Variants in PKNOX1 observed in about 807,000 individuals in gnomAD.
The protein encoded by PKNOX1 is homeobox protein PKNOX1.
A neutral mutation model predicts 51.9 loss-of-function variants in PKNOX1; 15 were observed. That is an observed-to-expected ratio of 0.29 (90% CI 0.19 to 0.45). PKNOX1 has a LOEUF of 0.45. PKNOX1 is among the 20% of genes least tolerant of loss of function. PKNOX1 has a pLI of 1.00. For synonymous variants in PKNOX1, 219 were observed against 211.1 expected (o/e 1.04, Z -0.32); for missense variants, 462 against 547.5 (o/e 0.84, Z 1.56).
At chr21:43,004,539 A>G in intron 2 of PKNOX1, 107 bp downstream of exon 2, 2 of 789,204 alleles carry the variant, frequency 2.5e-6, no homozygotes, top group Admixed American at 1.8e-5. Context: ...TTGCATGCTC[A>G]GTGTTAGTGT....
rs751555597 is a variant in PKNOX1, at chr21:43,029,977, A to G, written c.1187A>G (p.Gln396Arg). 5.6e-6 allele frequency: 9 copies of G among 1,613,980 alleles called. No homozygotes were observed. The highest frequency in any genetic ancestry group is 7.6e-6 in the Non-Finnish European group (9 of 1,180,024). ...LSSDGATLAV[Q>R]QVMMAGQSED... is the part of the protein sequence containing the mutation. ...TCGGACGGGGCCACCCTGGCGGTGC[A>G]GCAGGTCATGATGGCAGGGCAGAGC... The change falls in exon 11 of 11, where the codon CAG (glutamine) becomes CGG (arginine). Residue 396 changes from glutamine (Q) to arginine (R), a missense_variant. Physicochemically the swap from Gln to Arg is conservative, Grantham distance 43. Transcript: ENST00000291547.
rs78476638 is a variant in PKNOX1, at chr21:42,995,852, G to A, written c.-56-8474G>A. On this transcript the variant is annotated intron_variant, in intron 1 of 10. Coordinates refer to ENST00000291547, the MANE Select transcript of PKNOX1 (RefSeq NM_004571.5). ...TGAAAGCTGTCGTCATCCTCTACAC[G>A]TTAGAGAACTCTTGTATTTTAGAGC... is the stretch of plus-strand genomic sequence containing the variant. Among the ~76,000 whole-genome samples, 753 of 152,190 alleles carry A rather than the reference G, an allele frequency of 4.9e-3. 3 individuals are homozygous for A. The highest frequency in any genetic ancestry group is 0.017 in the African/African-American group (714 of 41,532).
rs541524516 is a variant in PKNOX1 at position 43,024,810 on chromosome 21, A to G, written c.850-61A>G. ...TTATGTAATGCTCACATTTTGCCTA[A>G]ATCGTCTTGATTTCCTTTGTAAACT... On this transcript the variant is annotated intron_variant, in intron 8 of 10. Transcript: ENST00000291547. 9 of 1,109,910 alleles carry G rather than the reference A, an allele frequency of 8.1e-6. No homozygotes were observed. In the African/African-American group the frequency reaches 1.4e-4, roughly 17 times the overall value. The allele number at this position is 1,109,910 out of a possible 1,614,324, so 68.8% of individuals were successfully genotyped here.
chr21:43,009,610 C>CAA (rs1202062070), intron 3 of PKNOX1, among the ~76,000 whole-genome samples: 36,264 of 75,854 alleles, frequency 0.48, 9,528 homozygotes, highest in East Asian at 0.58. Context: ...GACTCCATCT[C>CAA]AAAAAAAAAA....
intron 6 of PKNOX1, 59 bp from the exon 7 acceptor site, chr21:43,018,073 AG>A: frequency 1.2e-5 from 10 of 813,628 alleles, no homozygotes; most frequent in South Asian, 4.7e-5. Flanking sequence ...AAAAAAAAGA[AG>A]AATGGTTTAA....
At chr21:43,028,967 A>T (rs1568906642) in intron 10 of PKNOX1, 93 bp downstream of exon 10, 1 of 1,334,982 alleles carries the variant, frequency 7.5e-7, no homozygotes, top group Admixed American at 1.7e-5. Flanking sequence ...TGTGAGCCTC[A>T]GGTAATGTGG....
intron 1 of PKNOX1, among the ~76,000 whole-genome samples, chr21:42,977,834 C>T (rs547650972): frequency 2.9e-4 from 44 of 152,096 alleles, no homozygotes; most frequent in Admixed American, 1.2e-3. Flanking sequence ...GGTGAGCTGC[C>T]GTGCCTGGCT....
chr21:43,029,420 C>CTTTTTTTTTTTTTTTT (rs1568906878), intron 10 of PKNOX1, among the ~76,000 whole-genome samples: 1 of 87,500 alleles, frequency 1.1e-5, no homozygotes, highest in Admixed American at 1.8e-4. Context: ...TATTTGTTTG[C>CTTTTTTTTTTTTTTTT]TTTGTTTTTT....
At chr21:43,016,584 T>A (rs1979496566) in intron 5 of PKNOX1, among the ~76,000 whole-genome samples, 1 of 152,134 alleles carries the variant, frequency 6.6e-6, no homozygotes, top group Admixed American at 6.5e-5. Flanking sequence ...GAAAAAGATG[T>A]GTGATCAGAA....
intron 7 of PKNOX1, chr21:43,020,608 GTTCTGCGGACCCTCT>G (rs1979710266): frequency 6.6e-6 from 1 of 152,426 alleles, no homozygotes; most frequent in African/African-American, 2.4e-5. Context: ...GTGCCCTCCT[GTTCTGCGGACCCTCT>G]TTCTGCCTTT....
chr21:42,992,355 T>A (rs2059091957), intron 1 of PKNOX1, among the ~76,000 whole-genome samples: 1 of 152,180 alleles, frequency 6.6e-6, no homozygotes, highest in Non-Finnish European at 1.5e-5. Flanking sequence ...CAACCTCTGG[T>A]ACATCTGTGT....
intron 7 of PKNOX1, among the ~76,000 whole-genome samples, chr21:43,020,941 C>G (rs1039997235): frequency 5.9e-5 from 9 of 152,302 alleles, no homozygotes; most frequent in African/African-American, 2.2e-4. Context: ...GACCCTGCCT[C>G]TACAAAAAGT....
At chr21:42,995,967 T>C (rs1978486357) in intron 1 of PKNOX1, among the ~76,000 whole-genome samples, 1 of 152,016 alleles carries the variant, frequency 6.6e-6, no homozygotes, top group Non-Finnish European at 1.5e-5. Flanking sequence ...AGGCACTTAG[T>C]GCTTTGGGAG....
intron 1 of PKNOX1, among the ~76,000 whole-genome samples, chr21:43,002,692 C>T (rs769079404): frequency 3.3e-5 from 5 of 152,114 alleles, no homozygotes; most frequent in African/African-American, 4.8e-5. Flanking sequence ...CTGCTGTTCT[C>T]ACTGGACTCC....
chr21:42,997,319 G>A (rs1012476734), intron 1 of PKNOX1, among the ~76,000 whole-genome samples: 8 of 152,200 alleles, frequency 5.3e-5, no homozygotes, highest in Admixed American at 1.3e-4. Flanking sequence ...TGGGGATGGA[G>A]GTTGGCTCAG....
rs1266558528 is a variant in PKNOX1 at position 42,975,225 on chromosome 21, C to T, written c.-57+561C>T. Among the ~76,000 whole-genome samples, 4 of 143,700 alleles carry T rather than the reference C, an allele frequency of 2.8e-5. No individual in the cohort carries two copies. In the South Asian group the frequency reaches 8.6e-4, roughly 31 times the overall value. The allele number at this position is 143,700 out of a possible 152,430, so 94.3% of individuals were successfully genotyped here. A position where few individuals can be genotyped will look rare whatever the true frequency, so the allele number is the denominator to read the frequency against. On this transcript the variant is annotated intron_variant, in intron 1 of 10. Transcript: ENST00000291547. The stretch of plus-strand genomic sequence containing the variant: ...GGTGCGGGGCGCGCGGCGGCGCAGG[C>T]GGGAAGATGGCGGCCGCGACCCCGG...
Position 43,030,070 on chromosome 21 carries a change from T to C in PKNOX1, c.1280T>C (p.Leu427Pro). 6.2e-7 allele frequency: 1 copy of C among 1,608,174 alleles called. No individual in the cohort carries two copies. The highest frequency in any genetic ancestry group is 2.2e-5 in the East Asian group (1 of 44,676). ...GALAPAHISG[L>P]VLENSDSLQ ...CTGGCCCCTGCCCACATCAGCGGGCTGGTCTTGGAGAACAGTGACTCCCTG... is the reference window on the plus strand; with the variant it reads ...CTGGCCCCTGCCCACATCAGCGGGCCGGTCTTGGAGAACAGTGACTCCCTG... The change falls in exon 11 of 11, where the codon CTG (leucine) becomes CCG (proline). Residue 427 changes from leucine (L) to proline (P), a missense_variant. Physicochemically the swap from Leu to Pro is moderately conservative, Grantham distance 98. This residue lies in a region of PKNOX1 where 118 missense variants were observed against 116.8 expected (regional missense o/e 1.01). Transcript: ENST00000291547.
rs1180759878 is a variant in PKNOX1 at position 42,984,984 on chromosome 21, T to C, written c.-57+10320T>C. Among the ~76,000 whole-genome samples the C allele has an allele frequency of 6.2e-5, 8 of 128,018 alleles. 1 individual carries two copies. Among genetic ancestry groups the C allele is most frequent in the African/African-American group, 9.2e-5 (3 of 32,724 alleles). The allele number at this position is 128,018 out of a possible 152,430, so 84.0% of individuals were successfully genotyped here. A position where few individuals can be genotyped will look rare whatever the true frequency, so the allele number is the denominator to read the frequency against. Reference sequence around the variant, plus strand: ...TCCTCATTTTCTTTTCTTTTTTTTTTTTTTTTTTTTTTTTTTTGAGATGGA... The same window carrying C: ...TCCTCATTTTCTTTTCTTTTTTTTTCTTTTTTTTTTTTTTTTTGAGATGGA... On this transcript the variant is annotated intron_variant, in intron 1 of 10. Coordinates refer to ENST00000291547, the MANE Select transcript of PKNOX1 (RefSeq NM_004571.5).
At chr21:43,017,653 G>A (rs1041895916) in intron 6 of PKNOX1, 1 of 153,802 alleles carries the variant, frequency 6.5e-6, no homozygotes, top group African/African-American at 2.4e-5. Context: ...CTAATTTTAG[G>A]AAATAGTAGA....
Sources: allele counts gnomAD v4.1 joint callset (sites outside exome capture counted in the v4.1 genomes callset), GRCh38; gene constraint gnomAD v4.1.1; regional missense constraint gnomAD v4.1.1; transcripts MANE v1.5; gene names NCBI Gene and HGNC (gene_info 2026-07-23, HGNC 2026-07-21).